PDE1C: variants seen among roughly 807,000 people sequenced by gnomAD.
PDE1C encodes phosphodiesterase 1C.
In PDE1C, 62 loss-of-function variants were observed where a neutral mutation model predicts 93.1. The observed-to-expected ratio is 0.67, with a 90% CI of 0.54 to 0.82. The LOEUF is 0.82. PDE1C is among the 40% of genes least tolerant of loss of function. The pLI is 0.00. For missense variants in PDE1C, 742 were observed against 884.6 expected, an observed-to-expected ratio of 0.84 and a Z score of 2.04; for synonymous variants, 325 against 310.1, an observed-to-expected ratio of 1.05 and a Z score of -0.50.
chr7:31,961,483 T>G (rs1014020162), intron 2 of PDE1C, among the ~76,000 whole-genome samples: 1 of 152,132 alleles, frequency 6.6e-6, no homozygotes, highest in African/African-American at 2.4e-5. Context: ...GTGTGTGAGA[T>G]ACACTCTCTC....
chr7:32,160,717 C>T (rs189480041), intron 3 of PDE1C, among the ~76,000 whole-genome samples: 9 of 152,016 alleles, frequency 5.9e-5, no homozygotes, highest in African/African-American at 7.2e-5. Flanking sequence ...GGCTGAGGCA[C>T]GAGAATCACT....
chr7:32,140,831 G>A (rs1800481766), intron 3 of PDE1C, among the ~76,000 whole-genome samples: 1 of 152,214 alleles, frequency 6.6e-6, no homozygotes, highest in African/African-American at 2.4e-5. Flanking sequence ...ATAGAGGCAG[G>A]GAGTGAATCC....
intron 1 of PDE1C, among the ~76,000 whole-genome samples, chr7:32,276,678 G>T (rs1811310785): frequency 6.6e-6 from 1 of 151,890 alleles, no homozygotes; most frequent in African/African-American, 2.4e-5. Flanking sequence ...TCTTTTCCAT[G>T]GAAATAATAA....
At chr7:31,810,945 T>C (rs968163418) in intron 15 of PDE1C, among the ~76,000 whole-genome samples, 3 of 152,110 alleles carry the variant, frequency 2.0e-5, no homozygotes, top group Non-Finnish European at 4.4e-5. Context: ...ATTTGACAAA[T>C]ACTAAGCTAA....
At chr7:31,996,369 C>T (rs1385638914) in intron 2 of PDE1C, among the ~76,000 whole-genome samples, 2 of 151,994 alleles carry the variant, frequency 1.3e-5, no homozygotes, top group African/African-American at 4.8e-5. Context: ...AATTTCAAGG[C>T]AGCAGCTCTG....
intron 2 of PDE1C, among the ~76,000 whole-genome samples, chr7:32,043,727 T>A (rs1201010989): frequency 6.6e-6 from 1 of 152,196 alleles, no homozygotes; most frequent in Non-Finnish European, 1.5e-5. Context: ...AGTTCCATGT[T>A]GCAGGGACTA....
At chr7:31,643,699 C>T in the PDE1C span, 1 of 1,614,058 alleles carries the variant, frequency 6.2e-7, no homozygotes, top group South Asian at 1.1e-5. Flanking sequence ...ACATGGGCCC[C>T]AGCCCCTCAC....
chr7:32,355,190 T>A (rs2128083652), intron 1 of PDE1C, among the ~76,000 whole-genome samples: 1 of 152,148 alleles, frequency 6.6e-6, no homozygotes, highest in East Asian at 1.9e-4. Context: ...GAGTCCCAAG[T>A]GTGAAAGTCA....
chr7:32,395,741 T>A (rs1373721267), intron 1 of PDE1C, among the ~76,000 whole-genome samples: 1 of 152,224 alleles, frequency 6.6e-6, no homozygotes, highest in Non-Finnish European at 1.5e-5. Flanking sequence ...AGACTCTTGA[T>A]CTTCACGAGT....
At chr7:31,737,610 T>C in the PDE1C span, among the ~76,000 whole-genome samples, 1 of 152,014 alleles carries the variant, frequency 6.6e-6, no homozygotes, top group African/African-American at 2.4e-5. Flanking sequence ...GAGACCAGCC[T>C]GGCAAACATG....
At position 31,823,126 on chromosome 7, in the gene PDE1C, C is replaced by T; in HGVS notation, c.1529G>A (p.Trp510Ter). ...CCGATTGATGTGCACCACTTCCGTC[C>T]AAGTAGCTTTAAAGCTCTTATAGTC... is the stretch of plus-strand genomic sequence containing the variant. ...SVDYKSFKAT[W>*]TEVVHINRER... The change falls in exon 14 of 18, where the codon TGG becomes TAG. Residue 510 changes from tryptophan to a stop codon, truncating the protein, a stop_gained. Coordinates refer to ENST00000396191, the MANE Select transcript of PDE1C (RefSeq NM_001191057.4). LOFTEE classifies it high-confidence loss of function. The T allele has an allele frequency of 6.2e-7, 1 of 1,613,272 alleles. No individual in the cohort carries two copies. The highest frequency in any genetic ancestry group is 1.1e-5 in the South Asian group (1 of 91,000).
At chr7:32,053,590 C>G (rs1440179298) in intron 1 of PDE1C, among the ~76,000 whole-genome samples, 5 of 152,202 alleles carry the variant, frequency 3.3e-5, no homozygotes, top group Non-Finnish European at 5.9e-5. Flanking sequence ...CCCCTAGCCT[C>G]TACTCAGAAG....
At chr7:31,893,038 T>C (rs945209465) in intron 2 of PDE1C, among the ~76,000 whole-genome samples, 2 of 152,098 alleles carry the variant, frequency 1.3e-5, no homozygotes, top group Non-Finnish European at 2.9e-5. Flanking sequence ...TATATACAAT[T>C]ATTGTCAGCT....
In PDE1C at chr7:32,023,641, GA is replaced by G. The variant is rs143261369; in HGVS notation, c.128+27912del. 1.6e-4 allele frequency among the ~76,000 whole-genome samples: 24 copies of G among 149,470 alleles called. 1 individual carries two copies. Among genetic ancestry groups the G allele is most frequent in the Admixed American group, 6.7e-4 (10 of 14,962 alleles). On this transcript the variant is annotated intron_variant, in intron 2 of 17. Transcript: ENST00000396191. ...GGTATCTACAGTTTATGCTGCGTGA[GA>G]AAAAAAAAAGCCAGTCTTTAAAGAA...
At chr7:32,366,329 A>C (rs1212845514) in intron 1 of PDE1C, among the ~76,000 whole-genome samples, 4 of 152,212 alleles carry the variant, frequency 2.6e-5, no homozygotes, top group Non-Finnish European at 5.9e-5. Context: ...TAGCTCAAGC[A>C]AATGACATAA....
chr7:31,886,770 A>AGATCTATTCAGAATAGATCTTTTCG (rs1554395344), intron 2 of PDE1C, among the ~76,000 whole-genome samples: 2,818 of 13,814 alleles, frequency 0.2, 320 homozygotes, highest in African/African-American at 0.3. Flanking sequence ...TGATCTATTC[A>AGATCTATTCAGAATAGATCTTTTCG]GATCTATTCA....
At chr7:31,835,439 G>C (rs12701144) in intron 11 of PDE1C, among the ~76,000 whole-genome samples, 42,139 of 151,760 alleles carry the variant, frequency 0.28, 6,061 homozygotes, top group Middle Eastern at 0.45. Context: ...CTCTGAGAGG[G>C]TGAGCAATGA....
chr7:31,672,746 G>A, the PDE1C span, among the ~76,000 whole-genome samples: 3 of 152,112 alleles, frequency 2.0e-5, no homozygotes, highest in African/African-American at 7.2e-5. Context: ...AGAGACTCAA[G>A]GGCAGTAAAC....
chr7:32,394,253 C>G (rs1158661233), intron 1 of PDE1C, among the ~76,000 whole-genome samples: 1 of 152,194 alleles, frequency 6.6e-6, no homozygotes, highest in Non-Finnish European at 1.5e-5. Context: ...ATAGGGAAAA[C>G]AGTCAAAAGA....
Sources: allele counts gnomAD v4.1 joint callset (sites outside exome capture counted in the v4.1 genomes callset), GRCh38; gene constraint gnomAD v4.1.1; transcripts MANE v1.5; gene names NCBI Gene and HGNC (gene_info 2026-07-23, HGNC 2026-07-21).